The following FGD3 variants were observed in gnomAD, a reference collection of about 807,000 sequenced individuals.
FGD3 encodes the protein FYVE, RhoGEF and PH domain-containing protein 3.
A neutral mutation model predicts 71.8 loss-of-function variants in FGD3; 45 were observed. The observed-to-expected ratio is 0.63, with a 90% CI of 0.49 to 0.80. The LOEUF is 0.80. Ranked by LOEUF, FGD3 falls within the 30% of genes least tolerant of loss-of-function variation. The pLI is 0.00. For synonymous variants in FGD3, 378 were observed against 392.8 expected (o/e 0.96, Z 0.44); for missense variants, 844 against 951.5 (o/e 0.89, Z 1.49).
In FGD3 at chr9:93,034,776, A is replaced by C. The variant is rs1308458898; in HGVS notation, c.1926+95A>C. 16 of 1,387,910 alleles carry C rather than the reference A, an allele frequency of 1.2e-5. No homozygotes were observed. In the East Asian group the frequency reaches 3.8e-4, roughly 33 times the overall value. The allele number at this position is 1,387,910 out of a possible 1,614,324, so 86.0% of individuals were successfully genotyped here. ...AGGCCTGTGCCACCAGCTGGGGTCC[A>C]CCTGCTTGAGCAGTGTTACCTGGGG... On this transcript the variant is annotated intron_variant, in intron 17 of 17. Coordinates refer to ENST00000375482, the MANE Select transcript of FGD3 (RefSeq NM_001083536.2).
intron 1 of FGD3, among the ~76,000 whole-genome samples, chr9:92,963,598 G>A (rs568407666): frequency 7.2e-5 from 11 of 152,186 alleles, no homozygotes; most frequent in African/African-American, 2.2e-4. Context: ...CCATGCCCAG[G>A]TGAGAAATTG....
intron 8 of FGD3, among the ~76,000 whole-genome samples, chr9:93,012,955 C>A (rs76117371): frequency 0.046 from 7,053 of 151,958 alleles, 244 homozygotes; most frequent in South Asian, 0.15. Context: ...ACCAGCTGCA[C>A]ACGCAGCTCC....
chr9:93,010,295 C>T lies in FGD3; in HGVS notation c.887C>T (p.Pro296Leu), dbSNP rs757053693. ...NLTLQHHMLE[P>L]VQRVPRYELL... ...ACGCTGCAGCACCACATGCTGGAGCCCGTGCAGAGGGTCCCCCGGTACGAG... is the reference window on the plus strand; with the variant it reads ...ACGCTGCAGCACCACATGCTGGAGCTCGTGCAGAGGGTCCCCCGGTACGAG... The change falls in exon 7 of 18, where the codon CCC becomes CTC. Residue 296 changes from proline (P) to leucine (L), a missense_variant. Pro to Leu is a moderately conservative substitution (Grantham distance 98). Coordinates refer to ENST00000375482, the MANE Select transcript of FGD3 (RefSeq NM_001083536.2). 1 of 1,613,370 alleles carries T rather than the reference C, an allele frequency of 6.2e-7. No individual in the cohort carries two copies. The highest frequency in any genetic ancestry group is 1.1e-5 in the South Asian group (1 of 91,016).
chr9:93,034,282 T>G, intron 16 of FGD3: 1 of 460,802 alleles, frequency 2.2e-6, no homozygotes, highest in Non-Finnish European at 3.8e-6. Context: ...TGATGTGTCC[T>G]GACCCAGCAT....
chr9:92,965,199 T>C (rs904589499), intron 1 of FGD3, among the ~76,000 whole-genome samples: 6 of 152,228 alleles, frequency 3.9e-5, no homozygotes, highest in Non-Finnish European at 7.4e-5. Flanking sequence ...ATGGCCACAC[T>C]CATCTGTAAA....
chr9:93,019,383 C>CA (rs1302243078), intron 11 of FGD3, among the ~76,000 whole-genome samples: 1 of 152,226 alleles, frequency 6.6e-6, no homozygotes, highest in Non-Finnish European at 1.5e-5. Flanking sequence ...CGGCTGCAAG[C>CA]AGTGTCCTTG....
At chr9:92,971,111 T>C (rs1859512660) in intron 1 of FGD3, among the ~76,000 whole-genome samples, 2 of 152,198 alleles carry the variant, frequency 1.3e-5, no homozygotes, top group Non-Finnish European at 2.9e-5. Flanking sequence ...TCACTTTTAA[T>C]TTGATTGCCT....
At position 93,035,766 on chromosome 9, in the gene FGD3, G is replaced by A; in HGVS notation, c.*177G>A. 2.1e-6 allele frequency: 2 copies of A among 967,878 alleles called. No individual in the cohort carries two copies. The highest frequency in any genetic ancestry group is 2.0e-5 in the South Asian group (1 of 49,296). 60.0% of individuals were successfully genotyped at this position (967,878 alleles called of 1,614,324 possible). A position where few individuals can be genotyped will look rare whatever the true frequency, so the allele number is the denominator to read the frequency against. Reference sequence around the variant, plus strand: ...GAGGCCCAGAGAGGGGCAACCACTGGCCAAGGGTCACCCAGCAAGTTTTGG... The same window carrying A: ...GAGGCCCAGAGAGGGGCAACCACTGACCAAGGGTCACCCAGCAAGTTTTGG... On this transcript the variant is annotated 3_prime_UTR_variant, in exon 18 of 18. Coordinates refer to ENST00000375482, the MANE Select transcript of FGD3 (RefSeq NM_001083536.2).
chr9:92,973,098 G>T (rs1587821112), intron 1 of FGD3, among the ~76,000 whole-genome samples: 3 of 139,984 alleles, frequency 2.1e-5, no homozygotes, highest in African/African-American at 5.4e-5. Context: ...TCCCTTTTAT[G>T]CCTGGTAATT....
At chr9:93,018,513 G>A (rs1861791466) in intron 11 of FGD3, among the ~76,000 whole-genome samples, 1 of 152,134 alleles carries the variant, frequency 6.6e-6, no homozygotes, top group Non-Finnish European at 1.5e-5. Flanking sequence ...GTAACAATGT[G>A]TAAGAAAACA....
At chr9:92,954,069 G>A (rs1421893964) in intron 1 of FGD3, among the ~76,000 whole-genome samples, 1 of 152,160 alleles carries the variant, frequency 6.6e-6, no homozygotes, top group Non-Finnish European at 1.5e-5. Context: ...ATGTTACTGA[G>A]AAGCATCAAG....
intron 3 of FGD3, among the ~76,000 whole-genome samples, chr9:92,987,992 A>G (rs2118634609): frequency 6.6e-6 from 1 of 152,302 alleles, no homozygotes; most frequent in South Asian, 2.1e-4. Flanking sequence ...ATTATTTTAA[A>G]GAGGCTGTTT....
chr9:92,990,990 G>A (rs1860384925), intron 3 of FGD3, among the ~76,000 whole-genome samples: 2 of 152,116 alleles, frequency 1.3e-5, no homozygotes, highest in South Asian at 4.1e-4. Flanking sequence ...TTGATAATTG[G>A]TATCAATTGT....
At chr9:93,030,379 C>G (rs1395521969) in intron 15 of FGD3, among the ~76,000 whole-genome samples, 1 of 152,166 alleles carries the variant, frequency 6.6e-6, no homozygotes, top group Non-Finnish European at 1.5e-5. Context: ...GCCTTTGCCC[C>G]AGCGCTCCAG....
chr9:92,964,993 G>C (rs2118529399), intron 1 of FGD3, among the ~76,000 whole-genome samples: 1 of 152,342 alleles, frequency 6.6e-6, no homozygotes, highest in Admixed American at 6.5e-5. Flanking sequence ...TGAGGAAGGA[G>C]TGCTGCGCCC....
At chr9:93,006,432 G>A (rs1861057146) in intron 6 of FGD3, among the ~76,000 whole-genome samples, 1 of 152,178 alleles carries the variant, frequency 6.6e-6, no homozygotes, top group South Asian at 2.1e-4. Context: ...GGCTCAAGAG[G>A]CTGTGCAAGC....
Position 93,006,199 on chromosome 9 carries a change from G to T in FGD3, c.837+19G>T. On this transcript the variant is annotated intron_variant, in intron 6 of 17. Coordinates refer to ENST00000375482, the MANE Select transcript of FGD3 (RefSeq NM_001083536.2). Reference sequence around the variant, plus strand: ...CATCCAGGTAAGGCCGGCAGTGGGAGTGTGGACACAGATGTTCTCAAGATG... The same window carrying T: ...CATCCAGGTAAGGCCGGCAGTGGGATTGTGGACACAGATGTTCTCAAGATG... 1 of 1,535,166 alleles carries T rather than the reference G, an allele frequency of 6.5e-7. No homozygotes were observed. Among genetic ancestry groups the T allele is most frequent in the Non-Finnish European group, 8.8e-7 (1 of 1,136,640 alleles).
chr9:92,988,652 A>G (rs569787399), intron 3 of FGD3, among the ~76,000 whole-genome samples: 6 of 152,310 alleles, frequency 3.9e-5, no homozygotes, highest in African/African-American at 1.2e-4. Flanking sequence ...CTTACTGTAA[A>G]TCTTAATCTT....
rs376360399 is a variant in FGD3, at chr9:93,018,182, C to T, written c.1322C>T (p.Thr441Ile). 6.2e-5 allele frequency: 100 copies of T among 1,614,094 alleles called. No individual in the cohort carries two copies. Among genetic ancestry groups the T allele is most frequent in the African/African-American group, 3.6e-4 (27 of 75,032 alleles). The change falls in exon 11 of 18, where the codon ACA becomes ATA. Residue 441 changes from threonine to isoleucine, a missense_variant. Transcript: ENST00000375482. ...AACACAGCACATACATTCATCATAA[C>T]AGGAAGAAAAAGGTCCCTGGAGCTG... The part of the protein sequence containing the change: ...KPNTAHTFII[T>I]GRKRSLELQT...
Sources: allele counts gnomAD v4.1 joint callset (sites outside exome capture counted in the v4.1 genomes callset), GRCh38; gene constraint gnomAD v4.1.1; transcripts MANE v1.5; gene names NCBI Gene and HGNC (gene_info 2026-07-23, HGNC 2026-07-21).